Variants in CEP85L observed in about 807,000 individuals in gnomAD.
CEP85L encodes centrosomal protein 85L, also known as centrosomal protein of 85 kDa-like.
A neutral mutation model predicts 100.3 loss-of-function variants in CEP85L; 60 were observed. The ratio of observed to expected loss-of-function variants is 0.60; its 90% CI spans 0.49 to 0.74. The LOEUF is 0.74. Ranked by LOEUF, CEP85L falls within the 30% of genes least tolerant of loss-of-function variation. The pLI is 0.00. For missense variants in CEP85L, 973 were observed against 936.2 expected, an observed-to-expected ratio of 1.04 and a Z score of -0.51; for synonymous variants, 319 against 322.7, an observed-to-expected ratio of 0.99 and a Z score of 0.12.
At chr6:118,484,088 T>A (rs1773997716) in intron 6 of CEP85L, among the ~76,000 whole-genome samples, 1 of 152,134 alleles carries the variant, frequency 6.6e-6, no homozygotes, top group Non-Finnish European at 1.5e-5. Context: ...GATGGGCTGA[T>A]CATCTGAGGT....
At chr6:118,630,129 T>C (rs1266435440) in intron 2 of CEP85L, among the ~76,000 whole-genome samples, 1 of 152,174 alleles carries the variant, frequency 6.6e-6, no homozygotes, top group Admixed American at 6.5e-5. Flanking sequence ...AAATATTAAA[T>C]CTCCACCTCA....
rs150548831 is a variant in CEP85L at position 118,709,556 on chromosome 6, TGAGAGA to T, written c.-28+474_-28+479del. ...GCGTGTGTGTGTGTGTGTGTGTGTG[TGAGAGA>T]GAGAGAGAGAGAGAGAGAGAGCGCT... On this transcript the variant is annotated intron_variant, in intron 1 of 13. Transcript: ENST00000368488. Among the ~76,000 whole-genome samples the T allele has an allele frequency of 9.1e-5, 13 of 142,318 alleles. 1 individual carries two copies. The highest frequency in any genetic ancestry group is 3.5e-4 in the Admixed American group (5 of 14,352). 93.4% of individuals were successfully genotyped at this position (142,318 alleles called of 152,430 possible).
In CEP85L at chr6:118,580,309, C is replaced by T. The variant is rs1016694911; in HGVS notation, c.233-13993G>A. 1.4e-4 allele frequency among the ~76,000 whole-genome samples: 21 copies of T among 152,334 alleles called. 2 individuals are homozygous for T. The South Asian group carries it at 2.9e-3, about 21-fold the overall frequency. ...GAGAAAAGGACCCTGGTATTCCCCT[C>T]CAGTCATCAGAGTCGTATCATTTTG... On this transcript the variant is annotated intron_variant, in intron 2 of 12. Transcript: ENST00000368491.
rs1777420145 is a variant in CEP85L at position 118,701,901 on chromosome 6, TA to T, written c.-28+8134del. Among the ~76,000 whole-genome samples the T allele has an allele frequency of 2.0e-5, 3 of 152,276 alleles. No homozygotes were observed. In the South Asian group the frequency reaches 6.2e-4, roughly 32 times the overall value. On this transcript the variant is annotated intron_variant, in intron 1 of 13. Transcript: ENST00000368488. Reference sequence around the variant, plus strand: ...CATAAGGATAGGTCAAATGCCTGAATAAAATTGGGGTTTCTATTAGGAAGGA... The same window carrying T: ...CATAAGGATAGGTCAAATGCCTGAATAAATTGGGGTTTCTATTAGGAAGGA...
chr6:118,646,928 T>A lies in CEP85L; in HGVS notation c.73+4269A>T, dbSNP rs1775239861. Reference sequence around the variant, plus strand: ...TCACCATTTATTGCTTGGCCTCAGATTAATTTACCAGCTTCATTCAAGCCA... The same window carrying A: ...TCACCATTTATTGCTTGGCCTCAGAATAATTTACCAGCTTCATTCAAGCCA... On this transcript the variant is annotated intron_variant, in intron 1 of 12. Coordinates refer to ENST00000368491, the MANE Select transcript of CEP85L (RefSeq NM_001042475.3). 4 of 985,318 alleles carry A rather than the reference T, an allele frequency of 4.1e-6. No homozygotes were observed. In the African/African-American group the frequency reaches 5.2e-5, roughly 13 times the overall value. 61.0% of individuals were successfully genotyped at this position (985,318 alleles called of 1,614,324 possible).
intron 1 of CEP85L, among the ~76,000 whole-genome samples, chr6:118,680,642 T>C (rs1343287): frequency 0.45 from 68,942 of 151,974 alleles, 16,275 homozygotes; most frequent in African/African-American, 0.57. Flanking sequence ...TTTGGAAGGC[T>C]GAGGCAGGCT....
rs1772374950 is a variant in CEP85L at position 118,464,316 on chromosome 6, C to A, written c.*1089G>T. ...GATTAAGAACTAATTTCGCCAAGTT[C>A]ATATCCTGTGAAAAACTGTTGTTAA... On this transcript the variant is annotated 3_prime_UTR_variant, in exon 13 of 13. Coordinates refer to ENST00000368491, the MANE Select transcript of CEP85L (RefSeq NM_001042475.3). 6.6e-6 allele frequency: 1 copy of A among 152,120 alleles called. No individual in the cohort carries two copies. Among genetic ancestry groups the A allele is most frequent in the East Asian group, 1.9e-4 (1 of 5,196 alleles). 9.4% of individuals were successfully genotyped at this position (152,120 alleles called of 1,614,324 possible). A position where few individuals can be genotyped will look rare whatever the true frequency, so the allele number is the denominator to read the frequency against.
At chr6:118,555,093 T>C (rs1778774293) in intron 3 of CEP85L, among the ~76,000 whole-genome samples, 1 of 152,156 alleles carries the variant, frequency 6.6e-6, no homozygotes, top group Non-Finnish European at 1.5e-5. Context: ...CCAAGTCTAA[T>C]TATTATTCCT....
At chr6:118,590,598 C>T (rs567324069) in intron 2 of CEP85L, among the ~76,000 whole-genome samples, 78 of 152,210 alleles carry the variant, frequency 5.1e-4, no homozygotes, top group South Asian at 2.5e-3. Context: ...TCAGACACTG[C>T]CTCCTCCAGC....
chr6:118,474,347 G>A (rs1430490040), intron 10 of CEP85L, among the ~76,000 whole-genome samples: 1 of 152,168 alleles, frequency 6.6e-6, no homozygotes, highest in Admixed American at 6.5e-5. Flanking sequence ...GACTGACAGA[G>A]CCAATAACAC....
At chr6:118,700,564 A>G (rs961865759) in intron 1 of CEP85L, among the ~76,000 whole-genome samples, 2 of 152,200 alleles carry the variant, frequency 1.3e-5, no homozygotes, top group African/African-American at 4.8e-5. Context: ...AGCATACCTT[A>G]GCACTCTTTC....
intron 4 of CEP85L, among the ~76,000 whole-genome samples, chr6:118,516,966 G>A (rs1184406612): frequency 1.3e-5 from 2 of 152,094 alleles, no homozygotes; most frequent in African/African-American, 4.8e-5. Context: ...TCTGCATATG[G>A]CTAGCCAGTT....
intron 4 of CEP85L, among the ~76,000 whole-genome samples, chr6:118,512,157 A>G (rs1172679684): frequency 6.6e-6 from 1 of 152,148 alleles, no homozygotes; most frequent in Admixed American, 6.6e-5. Flanking sequence ...GGGCCCTATG[A>G]CTGACTGCAC....
chr6:118,572,136 G>A (rs369546947), intron 2 of CEP85L, among the ~76,000 whole-genome samples: 25 of 152,082 alleles, frequency 1.6e-4, no homozygotes, highest in African/African-American at 5.3e-4. Flanking sequence ...GATTACAGGC[G>A]GAAGCCACCA....
intron 2 of CEP85L, among the ~76,000 whole-genome samples, chr6:118,596,214 T>C (rs1222054395): frequency 1.4e-5 from 2 of 144,254 alleles, no homozygotes; most frequent in Admixed American, 6.7e-5. Flanking sequence ...ATAAAAAACA[T>C]ATCTGCTTGA....
At chr6:118,535,900 G>A (rs994414743) in intron 3 of CEP85L, among the ~76,000 whole-genome samples, 30 of 152,058 alleles carry the variant, frequency 2.0e-4, no homozygotes, top group African/African-American at 6.3e-4. Flanking sequence ...AAGGACTACT[G>A]TATACATTCT....
chr6:118,694,625 A>G (rs1777147951), intron 1 of CEP85L, among the ~76,000 whole-genome samples: 1 of 152,208 alleles, frequency 6.6e-6, no homozygotes, highest in Non-Finnish European at 1.5e-5. Flanking sequence ...CTCGAGGTAT[A>G]AAGTAAAAAT....
At chr6:118,565,305 A>C in intron 3 of CEP85L, 1 of 550,902 alleles carries the variant, frequency 1.8e-6, no homozygotes, top group Non-Finnish European at 3.2e-6. Flanking sequence ...AAAAGGAAAG[A>C]ACAAGCTAGG....
chr6:118,632,006 T>A (rs975295948), intron 2 of CEP85L, among the ~76,000 whole-genome samples: 19 of 152,350 alleles, frequency 1.2e-4, no homozygotes, highest in African/African-American at 4.6e-4. Context: ...TTTTCTTTTT[T>A]TGAGATGGAG....
Sources: allele counts gnomAD v4.1 joint callset (sites outside exome capture counted in the v4.1 genomes callset), GRCh38; gene constraint gnomAD v4.1.1; transcripts MANE v1.5; gene names NCBI Gene and HGNC (gene_info 2026-07-23, HGNC 2026-07-21).